Variants in USP6 observed in about 807,000 individuals in gnomAD.
The protein encoded by USP6 is ubiquitin specific peptidase 6, also known as ubiquitin carboxyl-terminal hydrolase 6.
USP6 carries 128 observed loss-of-function variants against 175.7 expected under a neutral mutation model. That is an observed-to-expected ratio of 0.73 (90% CI 0.63 to 0.84). The LOEUF (loss-of-function observed/expected upper bound fraction) is 0.84. Ranked by LOEUF, USP6 falls within the 40% of genes least tolerant of loss-of-function variation. The pLI is 0.00. For synonymous variants in USP6, 562 were observed against 630.6 expected, an observed-to-expected ratio of 0.89 and a Z score of 1.63; for missense variants, 1,498 against 1,760.3, an observed-to-expected ratio of 0.85 and a Z score of 2.67.
intron 17 of USP6, among the ~76,000 whole-genome samples, chr17:5,136,136 G>A (rs1157627019): frequency 1.3e-5 from 2 of 152,170 alleles, no homozygotes; most frequent in Non-Finnish European, 2.9e-5. Flanking sequence ...TCAGCAGAGG[G>A]CATCTCATCC....
intron 35 of USP6, 109 bp downstream of exon 35, chr17:5,169,164 A>C: frequency 8.1e-7 from 1 of 1,238,186 alleles, no homozygotes; most frequent in Non-Finnish European, 1.1e-6. Context: ...GAAGGAACCT[A>C]TCTGGAATCA....
Position 5,139,641 on chromosome 17 carries a change from G to C in USP6, c.1465G>C (p.Ala489Pro). ...TGCCATATCCCAGGAGGACCAGCTG[G>C]CCACCTGCTGGCAGGCTGAACACTG... ...VRAISQEDQL[A>P]TCWQAEHCGE... The change falls in exon 22 of 38, where the codon GCC becomes CCC. Residue 489 changes from alanine (A) to proline (P), a missense_variant. By Grantham distance (27) the Ala-to-Pro change is conservative (BLOSUM62 -1). Around this residue, in one of 2 missense-constraint regions of USP6, gnomAD observed 1,217 missense variants for 1,500.8 expected, o/e 0.81. Coordinates refer to ENST00000574788, the MANE Select transcript of USP6 (RefSeq NM_001304284.2). 6.2e-7 allele frequency: 1 copy of C among 1,612,076 alleles called. No homozygotes were observed. The highest frequency in any genetic ancestry group is 8.5e-7 in the Non-Finnish European group (1 of 1,180,014).
intron 37 of USP6, 60 bp from the exon 38 acceptor site, chr17:5,172,745 C>T: frequency 6.3e-7 from 1 of 1,593,022 alleles, no homozygotes; most frequent in Non-Finnish European, 8.6e-7. Flanking sequence ...CCTTTCCTGG[C>T]AAGGATTTAG....
In USP6 at chr17:5,133,930, A is replaced by T. The variant is rs950938813; in HGVS notation, c.428A>T (p.His143Leu). 3 of 1,614,018 alleles carry T rather than the reference A, an allele frequency of 1.9e-6. No homozygotes were observed. The African/African-American group carries it at 4.0e-5, about 22-fold the overall frequency. ...AAGAGGTCATCTGAACACATCCACC[A>T]CATCGACCTGGACGTGAGGACGACT... Reference protein sequence around the residue: ...RGKRSSEHIHHIDLDVRTTLR... With the variant: ...RGKRSSEHIHLIDLDVRTTLR... Residue 143 changes from histidine (H) to leucine (L), a missense_variant, in exon 15 of 38, where the codon CAC becomes CTC. By Grantham distance (99) the His-to-Leu change is moderately conservative. This residue lies in a region of USP6 where 281 missense variants were observed against 259.6 expected (regional missense o/e 1.08). Coordinates refer to ENST00000574788, the MANE Select transcript of USP6 (RefSeq NM_001304284.2).
At chr17:5,152,001 G>A (rs1415299294) in intron 30 of USP6, among the ~76,000 whole-genome samples, 6 of 152,258 alleles carry the variant, frequency 3.9e-5, no homozygotes, top group African/African-American at 1.4e-4. Context: ...CACTTTGAGA[G>A]GCCGAGATGA....
Position 5,141,509 on chromosome 17 carries a change from C to T in USP6, c.1573+10C>T. 6.4e-7 allele frequency: 1 copy of T among 1,574,716 alleles called. No individual in the cohort carries two copies. The highest frequency in any genetic ancestry group is 1.7e-4 in the Middle Eastern group (1 of 5,956). On this transcript the variant is annotated intron_variant, in intron 23 of 37. Coordinates refer to ENST00000574788, the MANE Select transcript of USP6 (RefSeq NM_001304284.2). ...ATAGATAGACAAAAGGGTAAGTCTC[C>T]AGTATTATTTTTTAAAGAGATTATT...
chr17:5,152,809 C>T (rs2073802235), intron 30 of USP6, among the ~76,000 whole-genome samples: 1 of 152,012 alleles, frequency 6.6e-6, no homozygotes, highest in Middle Eastern at 3.2e-3. Flanking sequence ...CCAGCCTGGG[C>T]AACATGGTGA....
At chr17:5,170,244 C>T (rs2074183443) in intron 35 of USP6, among the ~76,000 whole-genome samples, 1 of 152,168 alleles carries the variant, frequency 6.6e-6, no homozygotes, top group African/African-American at 2.4e-5. Context: ...TTTTCTGAGT[C>T]CCTATAATGC....
At chr17:5,137,522 C>T (rs2073294627) in intron 19 of USP6, 129 bp from the exon 20 acceptor site, 7 of 959,888 alleles carry the variant, frequency 7.3e-6, no homozygotes, top group African/African-American at 1.6e-5. Flanking sequence ...ACTCAGCATT[C>T]TGGAGGGCTC....
At chr17:5,119,059 T>C (rs1027480902) in intron 2 of USP6, among the ~76,000 whole-genome samples, 16 of 152,220 alleles carry the variant, frequency 1.1e-4, no homozygotes, top group African/African-American at 3.6e-4. Flanking sequence ...CTGCCACATC[T>C]GCTTAGAATT....
Position 5,155,528 on chromosome 17 carries a change from A to G in USP6, c.2750A>G (p.Tyr917Cys), listed in dbSNP as rs1400219733. 1.5e-5 allele frequency: 25 copies of G among 1,614,012 alleles called. No homozygotes were observed. Among genetic ancestry groups the G allele is most frequent in the Non-Finnish European group, 2.1e-5 (25 of 1,180,014 alleles). Reference sequence around the variant, plus strand: ...GTGCATACCCGGAAGAAAGACCTATATGATGCGGTTTGGATTCAAGTATCC... The same window carrying G: ...GTGCATACCCGGAAGAAAGACCTATGTGATGCGGTTTGGATTCAAGTATCC... ...CTVHTRKKDLYDAVWIQVSWL... is the reference protein window; with the variant it reads ...CTVHTRKKDLCDAVWIQVSWL... Residue 917 changes from tyrosine to cysteine, a missense_variant, in exon 31 of 38, where the codon TAT becomes TGT. This residue lies in a region of USP6 where 1,217 missense variants were observed against 1,500.8 expected (regional missense o/e 0.81). Transcript: ENST00000574788.
At chr17:5,161,502 A>G (rs1413460801) in intron 31 of USP6, 26 bp from the exon 32 acceptor site, 4 of 1,610,150 alleles carry the variant, frequency 2.5e-6, no homozygotes, top group East Asian at 4.5e-5. Context: ...TGCTTCTTAC[A>G]CTCTTTTTGT....
intron 28 of USP6, 106 bp downstream of exon 28, chr17:5,146,280 A>T: frequency 1.4e-6 from 2 of 1,381,176 alleles, no homozygotes; most frequent in Non-Finnish European, 1.9e-6. Flanking sequence ...AGAGATACTA[A>T]AACATAACGA....
intron 30 of USP6, 115 bp from the exon 31 acceptor site, chr17:5,155,307 T>C (rs1163019803): frequency 5.1e-5 from 63 of 1,232,434 alleles, no homozygotes; most frequent in Non-Finnish European, 6.9e-5. Context: ...GAGAAGAATG[T>C]GATAGTGACT....
chr17:5,130,559 C>G, intron 10 of USP6, 43 bp from the exon 11 acceptor site: 2 of 1,612,222 alleles, frequency 1.2e-6, no homozygotes, highest in Non-Finnish European at 1.7e-6. Context: ...GCCCTTGCAC[C>G]CTTTACCTTG....
rs1418877380 is a variant in USP6 at position 5,147,086 on chromosome 17, T to C, written c.2323T>C (p.Phe775Leu). 9 of 1,612,164 alleles carry C rather than the reference T, an allele frequency of 5.6e-6. No homozygotes were observed. Among genetic ancestry groups the C allele is most frequent in the Non-Finnish European group, 5.9e-6 (7 of 1,179,324 alleles). The change falls in exon 29 of 38, where the codon TTT becomes CTT. Residue 775 changes from phenylalanine to leucine, a missense_variant. Transcript: ENST00000574788. ...CATCTTGCTGCTGTTTCTGTAGAAC[T>C]TTCCTCAGGATAACCAAAAAGTACA... ...AEVHDSNIKN[F>L]PQDNQKVQLS...
At chr17:5,142,587 C>T (rs1181518329) in intron 25 of USP6, 85 bp downstream of exon 25, 3 of 1,478,248 alleles carry the variant, frequency 2.0e-6, no homozygotes, top group Admixed American at 4.8e-5. Context: ...TGTGTTTAGC[C>T]TTTTAGCTTA....
intron 31 of USP6, among the ~76,000 whole-genome samples, chr17:5,156,045 A>G (rs1013286478): frequency 6.6e-6 from 1 of 152,234 alleles, no homozygotes; most frequent in Admixed American, 6.5e-5. Flanking sequence ...TGAACTCTGA[A>G]AAGTCTCATG....
At chr17:5,133,037 A>G (rs775395663) in intron 13 of USP6, 47 bp downstream of exon 13, 96 of 1,599,702 alleles carry the variant, frequency 6.0e-5, no homozygotes, top group Non-Finnish European at 7.6e-5. Context: ...CTGCAGAAAC[A>G]GGGGACAGGC....
Sources: allele counts gnomAD v4.1 joint callset (sites outside exome capture counted in the v4.1 genomes callset), GRCh38; gene constraint gnomAD v4.1.1; regional missense constraint gnomAD v4.1.1; transcripts MANE v1.5; gene names NCBI Gene and HGNC (gene_info 2026-07-23, HGNC 2026-07-21).